GRID2: variants seen among roughly 807,000 people sequenced by gnomAD.
GRID2 encodes glutamate receptor ionotropic, delta-2.
A neutral mutation model predicts 114.8 loss-of-function variants in GRID2; 33 were observed. The observed-to-expected ratio is 0.29, with a 90% CI of 0.22 to 0.38. GRID2 has a LOEUF of 0.38. Ranked by LOEUF, GRID2 falls within the 10% of genes least tolerant of loss-of-function variation. The probability of loss-of-function intolerance (pLI) is 1.00; values close to 1 mark genes in which losing one functional copy is unlikely to be tolerated. For synonymous variants in GRID2, 505 were observed against 449.9 expected, an observed-to-expected ratio of 1.12 and a Z score of -1.55; for missense variants, 1,184 against 1,257.7, an observed-to-expected ratio of 0.94 and a Z score of 0.89.
At chr4:93,135,203 C>G (rs1159708268) in intron 4 of GRID2, among the ~76,000 whole-genome samples, 1 of 152,144 alleles carries the variant, frequency 6.6e-6, no homozygotes, top group East Asian at 1.9e-4. Context: ...CTTAAAACAA[C>G]TGCTTTTAAT....
At chr4:93,316,707 G>A (rs1438387480) in intron 8 of GRID2, among the ~76,000 whole-genome samples, 1 of 152,120 alleles carries the variant, frequency 6.6e-6, no homozygotes, top group Non-Finnish European at 1.5e-5. Flanking sequence ...TGATTCATTA[G>A]TTTAGAGAAC....
intron 2 of GRID2, among the ~76,000 whole-genome samples, chr4:93,064,274 C>T (rs1485238380): frequency 6.6e-6 from 1 of 151,348 alleles, no homozygotes; most frequent in African/African-American, 2.4e-5. Context: ...ATCAAGAATG[C>T]CTTTTTTTGT....
At chr4:92,869,002 G>A (rs1745091733) in intron 2 of GRID2, among the ~76,000 whole-genome samples, 1 of 152,076 alleles carries the variant, frequency 6.6e-6, no homozygotes, top group Non-Finnish European at 1.5e-5. Context: ...AGGATGATAA[G>A]TATATACAAT....
chr4:93,102,140 G>T (rs2149341466), intron 3 of GRID2, among the ~76,000 whole-genome samples: 1 of 152,222 alleles, frequency 6.6e-6, no homozygotes, highest in Admixed American at 6.5e-5. Context: ...CATGTAGTTT[G>T]AAAGTCTAGG....
At chr4:93,187,374 T>C (rs971720475) in intron 4 of GRID2, among the ~76,000 whole-genome samples, 2 of 151,992 alleles carry the variant, frequency 1.3e-5, no homozygotes, top group Admixed American at 6.6e-5. Context: ...CCTCCACGGT[T>C]CAAGCATTCT....
chr4:93,537,521 T>C (rs1049158970), intron 13 of GRID2, among the ~76,000 whole-genome samples: 2 of 151,874 alleles, frequency 1.3e-5, no homozygotes, highest in Admixed American at 1.3e-4. Flanking sequence ...AAGATAATTC[T>C]TTTCTTATTT....
intron 12 of GRID2, among the ~76,000 whole-genome samples, chr4:93,495,853 C>T (rs1727483238): frequency 6.6e-6 from 1 of 151,492 alleles, no homozygotes; most frequent in Non-Finnish European, 1.5e-5. Flanking sequence ...AAGAATATTG[C>T]CTCAGTTAAT....
chr4:93,054,758 A>G lies in GRID2; in HGVS notation c.245-30237A>G, dbSNP rs199517542. 3.9e-5 allele frequency among the ~76,000 whole-genome samples: 6 copies of G among 152,060 alleles called. No homozygotes were observed. In the East Asian group the frequency reaches 1.2e-3, roughly 29 times the overall value. On this transcript the variant is annotated intron_variant, in intron 2 of 15. Coordinates refer to ENST00000282020, the MANE Select transcript of GRID2 (RefSeq NM_001510.4). ...AAAAATGCATTTTGAATATGGAAATATAATTTTTCACATTCCTTTGAAATC... is the reference window on the plus strand; with the variant it reads ...AAAAATGCATTTTGAATATGGAAATGTAATTTTTCACATTCCTTTGAAATC...
intron 14 of GRID2, among the ~76,000 whole-genome samples, chr4:93,730,610 AG>A: frequency 6.6e-6 from 1 of 152,186 alleles, no homozygotes; most frequent in Non-Finnish European, 1.5e-5. Flanking sequence ...GGTCAAGATG[AG>A]GTAGATCAGC....
chr4:92,482,135 TA>T (rs200140426), intron 1 of GRID2, among the ~76,000 whole-genome samples: 97 of 149,612 alleles, frequency 6.5e-4, no homozygotes, highest in African/African-American at 2.1e-3. Context: ...TACACAGCCA[TA>T]AAAAAACAGT....
chr4:93,288,974 A>G (rs894820020), intron 8 of GRID2, among the ~76,000 whole-genome samples: 1 of 152,182 alleles, frequency 6.6e-6, no homozygotes, highest in Non-Finnish European at 1.5e-5. Flanking sequence ...TTCTTTCAAG[A>G]CAGGTATAGT....
chr4:93,796,124 C>G (rs1421706920), intron 1 of GRID2, among the ~76,000 whole-genome samples: 1 of 152,084 alleles, frequency 6.6e-6, no homozygotes, highest in African/African-American at 2.4e-5. Context: ...TTTCCAGATG[C>G]CCTCCCAGGC....
chr4:93,002,200 C>T (rs545716356), intron 2 of GRID2, among the ~76,000 whole-genome samples: 1 of 151,616 alleles, frequency 6.6e-6, no homozygotes, highest in Non-Finnish European at 1.5e-5. Context: ...ATAATTTTAT[C>T]CTTTTTTTCT....
chr4:92,331,303 T>C (rs1342300756), intron 1 of GRID2, among the ~76,000 whole-genome samples: 1 of 152,218 alleles, frequency 6.6e-6, no homozygotes, highest in Non-Finnish European at 1.5e-5. Context: ...TGCCAGTGGA[T>C]AAGCAGTCTG....
At chr4:92,516,271 GT>G (rs1724495773) in intron 1 of GRID2, among the ~76,000 whole-genome samples, 1 of 151,846 alleles carries the variant, frequency 6.6e-6, no homozygotes, top group Non-Finnish European at 1.5e-5. Context: ...GGTTTATAAT[GT>G]CATTCATGTT....
At chr4:93,566,420 T>C (rs1735424311) in intron 13 of GRID2, among the ~76,000 whole-genome samples, 1 of 152,082 alleles carries the variant, frequency 6.6e-6, no homozygotes, top group Non-Finnish European at 1.5e-5. Flanking sequence ...TTTAGAGATG[T>C]GTATATTTTG....
At chr4:93,407,239 A>G (rs1038587995) in intron 9 of GRID2, among the ~76,000 whole-genome samples, 5 of 152,128 alleles carry the variant, frequency 3.3e-5, no homozygotes, top group African/African-American at 1.2e-4. Flanking sequence ...GAGAATAGAT[A>G]TCTTCAAAAA....
chr4:92,623,482 T>G (rs1047891999), intron 2 of GRID2, among the ~76,000 whole-genome samples: 1 of 151,660 alleles, frequency 6.6e-6, no homozygotes, highest in Non-Finnish European at 1.5e-5. Context: ...AACTGAAAAC[T>G]ATATGTAAGC....
chr4:92,504,136 T>G (rs1247655587), intron 1 of GRID2, among the ~76,000 whole-genome samples: 1 of 152,042 alleles, frequency 6.6e-6, no homozygotes, highest in East Asian at 1.9e-4. Context: ...AGGATTTTTA[T>G]AGAAATTGGA....
Sources: gnomAD v4.1 joint callset for allele counts (sites outside exome capture counted in the v4.1 genomes callset) on GRCh38, gnomAD v4.1.1 for gene constraint, MANE v1.5 for transcripts, NCBI Gene and HGNC (gene_info 2026-07-23, HGNC 2026-07-21) for gene names.